Variants in LARGE1 observed in about 807,000 individuals in gnomAD.
LARGE1 encodes the protein LARGE xylosyl- and glucuronyltransferase 1.
Under a neutral mutation model 87.6 loss-of-function variants are expected in LARGE1, and 43 were observed. That is an observed-to-expected ratio of 0.49 (90% confidence interval 0.38 to 0.63). LARGE1 has a LOEUF of 0.63. Ranked by LOEUF, LARGE1 falls within the 30% of genes least tolerant of loss-of-function variation. The pLI is 0.00. For synonymous variants in LARGE1, 434 were observed against 394.6 expected (o/e 1.10, Z -1.18); for missense variants, 802 against 1,000.2 (o/e 0.80, Z 2.67).
chr22:33,783,422 G>A (rs189810515), intron 1 of LARGE1, among the ~76,000 whole-genome samples: 1 of 152,216 alleles, frequency 6.6e-6, no homozygotes, highest in Non-Finnish European at 1.5e-5. Context: ...AAAATTAGCT[G>A]GGCATGGTGG....
At chr22:33,483,016 T>G (rs5998961) in intron 6 of LARGE1, among the ~76,000 whole-genome samples, 3 of 152,152 alleles carry the variant, frequency 2.0e-5, no homozygotes, top group Non-Finnish European at 4.4e-5. Context: ...AACCAACCAA[T>G]GTAGCTCCGG....
At chr22:33,855,754 A>G (rs2063739285) in intron 1 of LARGE1, among the ~76,000 whole-genome samples, 1 of 152,108 alleles carries the variant, frequency 6.6e-6, no homozygotes, top group South Asian at 2.1e-4. Context: ...TTACTTTTTC[A>G]TCATCATTCT....
chr22:33,133,198 T>C, the LARGE1 span, among the ~76,000 whole-genome samples: 1 of 152,104 alleles, frequency 6.6e-6, no homozygotes, highest in South Asian at 2.1e-4. Context: ...ATTTTTTTAA[T>C]ACTTTAAGTT....
chr22:33,450,965 A>G (rs1279042773), intron 6 of LARGE1, among the ~76,000 whole-genome samples: 14 of 152,194 alleles, frequency 9.2e-5, no homozygotes, highest in Admixed American at 9.2e-4. Context: ...CACACACTCC[A>G]CATAAACACG....
At chr22:33,127,235 C>T in the LARGE1 span, among the ~76,000 whole-genome samples, 8,812 of 152,256 alleles carry the variant, frequency 0.058, 264 homozygotes, top group Middle Eastern at 0.14. Context: ...GTGGGGCTGC[C>T]TTCTCCTATA....
chr22:33,586,456 CTTTT>C (rs130421), intron 5 of LARGE1, among the ~76,000 whole-genome samples: 2 of 140,236 alleles, frequency 1.4e-5, no homozygotes, highest in African/African-American at 2.6e-5. Context: ...AACAAGATTT[CTTTT>C]TTTTTTTTTT....
Position 33,362,698 on chromosome 22 carries a change from T to C in LARGE1, c.1131+19221A>G, listed in dbSNP as rs8140321. Among the ~76,000 whole-genome samples, 1,348 of 150,072 alleles carry C rather than the reference T, an allele frequency of 9.0e-3. 86 individuals carry two copies. Among genetic ancestry groups the C allele is most frequent in the African/African-American group, 0.031 (1,287 of 40,868 alleles). Reference sequence around the variant, plus strand: ...GAAATCTAATTAAATATTATTTGAGTTTATGGTATGTAACTACAAAGAATT... The same window carrying C: ...GAAATCTAATTAAATATTATTTGAGCTTATGGTATGTAACTACAAAGAATT... On this transcript the variant is annotated intron_variant, in intron 9 of 14. Coordinates refer to ENST00000397394, the MANE Select transcript of LARGE1 (RefSeq NM_133642.5).
intron 12 of LARGE1, among the ~76,000 whole-genome samples, chr22:33,302,463 C>G (rs1451308944): frequency 6.6e-6 from 1 of 152,162 alleles, no homozygotes; most frequent in Non-Finnish European, 1.5e-5. Context: ...GGAGATGTCC[C>G]TGGAAGGACA....
intron 1 of LARGE1, among the ~76,000 whole-genome samples, chr22:33,915,288 C>G (rs2146983939): frequency 6.6e-6 from 1 of 152,258 alleles, no homozygotes; most frequent in South Asian, 2.1e-4. Context: ...TCTCAATATT[C>G]AAAACTCTTT....
intron 11 of LARGE1, among the ~76,000 whole-genome samples, chr22:33,261,219 G>A (rs1204992413): frequency 6.6e-6 from 1 of 152,200 alleles, no homozygotes; most frequent in East Asian, 1.9e-4. Context: ...GGTGGTGGAG[G>A]TTACTTATTG....
At chr22:33,262,739 T>C (rs1927703005) in intron 11 of LARGE1, among the ~76,000 whole-genome samples, 1 of 151,502 alleles carries the variant, frequency 6.6e-6, no homozygotes, top group African/African-American at 2.4e-5. Context: ...CAGACATCCT[T>C]TCTTTCCTTC....
chr22:33,771,875 T>A (rs2145820407), intron 1 of LARGE1, among the ~76,000 whole-genome samples: 1 of 152,334 alleles, frequency 6.6e-6, no homozygotes, highest in South Asian at 2.1e-4. Context: ...AAACAGCTCA[T>A]CTTGGGCAAT....
chr22:33,597,863 G>A (rs1262259067), intron 5 of LARGE1, among the ~76,000 whole-genome samples: 1 of 152,114 alleles, frequency 6.6e-6, no homozygotes, highest in Admixed American at 6.6e-5. Context: ...GGCAAGAAAT[G>A]TTTTCCTGAT....
chr22:33,688,116 C>T (rs796283463), intron 2 of LARGE1, among the ~76,000 whole-genome samples: 3 of 152,182 alleles, frequency 2.0e-5, no homozygotes, highest in South Asian at 2.1e-4. Context: ...AATGCACCAA[C>T]CCTGAAGCCA....
chr22:33,196,295 A>G (rs1016314767), intron 11 of LARGE1, among the ~76,000 whole-genome samples: 2 of 152,162 alleles, frequency 1.3e-5, no homozygotes, highest in African/African-American at 4.8e-5. Context: ...TACATATAAC[A>G]TATAGGAAAG....
Position 33,765,508 on chromosome 22 carries a change from C to T in LARGE1, c.-82-3950G>A, listed in dbSNP as rs1416461285. ...CACCTGAGGTCAGGAGTTCAAAACC[C>T]GCCTAGCCAACATAGTGAAACCCGG... On this transcript the variant is annotated intron_variant, in intron 1 of 14. Transcript: ENST00000397394. 5.9e-5 allele frequency among the ~76,000 whole-genome samples: 9 copies of T among 151,854 alleles called. No individual in the cohort carries two copies. The South Asian group carries it at 1.7e-3, about 28-fold the overall frequency.
At chr22:33,650,777 C>T in intron 2 of LARGE1, 109 bp from the exon 3 acceptor site, 2 of 1,236,814 alleles carry the variant, frequency 1.6e-6, no homozygotes, top group South Asian at 1.3e-5. Context: ...TGCACAATCC[C>T]ATGTTTAAGG....
chr22:33,522,280 C>T (rs1767150353), intron 6 of LARGE1, among the ~76,000 whole-genome samples: 1 of 152,196 alleles, frequency 6.6e-6, no homozygotes, highest in Admixed American at 6.5e-5. Context: ...AGTTAGCCAC[C>T]TCTGTCACAG....
At position 33,784,349 on chromosome 22, in the gene LARGE1, T is replaced by C. The variant is rs562643123; in HGVS notation, c.-82-22791A>G. Among the ~76,000 whole-genome samples, 12 of 152,198 alleles carry C rather than the reference T, an allele frequency of 7.9e-5. No homozygotes were observed. The South Asian group carries it at 2.5e-3, about 32-fold the overall frequency. ...TATCCCCAATGTATAGAAGAGGAAATAAAGCAATTTGCTCGAAGTCACAAG... is the reference window on the plus strand; with the variant it reads ...TATCCCCAATGTATAGAAGAGGAAACAAAGCAATTTGCTCGAAGTCACAAG... On this transcript the variant is annotated intron_variant, in intron 1 of 14. Coordinates refer to ENST00000397394, the MANE Select transcript of LARGE1 (RefSeq NM_133642.5).
Sources: gnomAD v4.1 joint callset for allele counts (sites outside exome capture counted in the v4.1 genomes callset) on GRCh38, gnomAD v4.1.1 for gene constraint, MANE v1.5 for transcripts, NCBI Gene and HGNC (gene_info 2026-07-23, HGNC 2026-07-21) for gene names.